KIRREL3: variants seen among roughly 807,000 people sequenced by gnomAD.
The protein encoded by KIRREL3 is kin of IRRE-like protein 3.
KIRREL3 carries 36 observed loss-of-function variants against 89.7 expected under a neutral mutation model. The observed-to-expected ratio is 0.40, with a 90% CI of 0.31 to 0.53. The LOEUF is 0.53. Ranked by LOEUF, KIRREL3 falls within the 20% of genes least tolerant of loss-of-function variation. The pLI is 0.49. For synonymous variants in KIRREL3, 445 were observed against 441.4 expected (o/e 1.01, Z -0.10); for missense variants, 864 against 1,056.6 (o/e 0.82, Z 2.53).
chr11:126,489,688 C>T lies in KIRREL3; in HGVS notation c.434-16222G>A, dbSNP rs950410379. Among the ~76,000 whole-genome samples, 1 of 152,170 alleles carries T rather than the reference C, an allele frequency of 6.6e-6. No individual in the cohort carries two copies. Among genetic ancestry groups the T allele is most frequent in the African/African-American group, 2.4e-5 (1 of 41,434 alleles). On this transcript the variant is annotated intron_variant, in intron 4 of 16. Coordinates refer to ENST00000525144, the MANE Select transcript of KIRREL3 (RefSeq NM_032531.4). The surrounding 1 kb of genome is among the most constrained non-coding windows in gnomAD (Gnocchi z 5.5). Reference sequence around the variant, plus strand: ...CCCCTCTGCATTCCCCACTCTCCACCTTCCACCACCCCTTTCTCAGGGGCC... The same window carrying T: ...CCCCTCTGCATTCCCCACTCTCCACTTTCCACCACCCCTTTCTCAGGGGCC...
chr11:126,543,051 C>T (rs1029804448), intron 2 of KIRREL3, among the ~76,000 whole-genome samples: 3 of 152,144 alleles, frequency 2.0e-5, no homozygotes, highest in African/African-American at 7.2e-5. Context: ...AATATCACAG[C>T]TCCAAGCCAG....
rs1944722920 is a variant in KIRREL3, at chr11:126,647,187, C to T, written c.56-84275G>A. On this transcript the variant is annotated intron_variant, in intron 1 of 16. Coordinates refer to ENST00000525144, the MANE Select transcript of KIRREL3 (RefSeq NM_032531.4). This position sits in a 1 kb window ranked among gnomAD's most constrained non-coding sequence, Gnocchi z 4.9. Reference sequence around the variant, plus strand: ...ACAGCATTTCACAATATTTAGGGAGCCCAGGCTCACCCCTGCTACTCTGCC... The same window carrying T: ...ACAGCATTTCACAATATTTAGGGAGTCCAGGCTCACCCCTGCTACTCTGCC... Among the ~76,000 whole-genome samples the T allele has an allele frequency of 6.6e-6, 1 of 152,154 alleles. No individual in the cohort carries two copies. Among genetic ancestry groups the T allele is most frequent in the Non-Finnish European group, 1.5e-5 (1 of 68,022 alleles).
At chr11:126,957,442 A>G (rs555685740) in intron 1 of KIRREL3, among the ~76,000 whole-genome samples, 1 of 152,210 alleles carries the variant, frequency 6.6e-6, no homozygotes, top group African/African-American at 2.4e-5. Flanking sequence ...TTGAGTATTA[A>G]TATTTAATTT....
intron 11 of KIRREL3, 113 bp from the exon 12 acceptor site, chr11:126,437,122 T>G (rs1398734165): frequency 1.0e-6 from 1 of 969,120 alleles, no homozygotes; most frequent in Non-Finnish European, 1.5e-6. Context: ...TGCCACACAC[T>G]AACACATGTG....
chr11:126,589,003 G>A (rs909126267), intron 1 of KIRREL3, among the ~76,000 whole-genome samples: 2 of 152,114 alleles, frequency 1.3e-5, no homozygotes, highest in African/African-American at 4.8e-5. Flanking sequence ...CATTCTTCAA[G>A]GGGGCTGCAA....
intron 1 of KIRREL3, among the ~76,000 whole-genome samples, chr11:126,785,396 G>T (rs1565729428): frequency 6.6e-6 from 1 of 152,120 alleles, no homozygotes; most frequent in East Asian, 1.9e-4. Flanking sequence ...CTCCTGCATG[G>T]TCAGAGCCTC....
chr11:126,440,415 C>T (rs1955515204), intron 11 of KIRREL3, 34 bp downstream of exon 11: 2 of 1,542,420 alleles, frequency 1.3e-6, no homozygotes, highest in East Asian at 4.9e-5. Flanking sequence ...GGGCTGCTGG[C>T]CCGGCCCCCG....
intron 1 of KIRREL3, among the ~76,000 whole-genome samples, chr11:126,584,769 T>G (rs1941736928): frequency 6.6e-6 from 1 of 152,134 alleles, no homozygotes; most frequent in South Asian, 2.1e-4. Context: ...CAGATGCCAC[T>G]ACCACACATG....
chr11:126,993,927 G>C lies in KIRREL3; in HGVS notation c.55+6528C>G, dbSNP rs1319638620. Reference sequence around the variant, plus strand: ...ATCTGCATAAGTTAAAAAGAAACTTGCAACAACAATCCACTGAATACAGGC... The same window carrying C: ...ATCTGCATAAGTTAAAAAGAAACTTCCAACAACAATCCACTGAATACAGGC... On this transcript the variant is annotated intron_variant, in intron 1 of 16. Coordinates refer to ENST00000525144, the MANE Select transcript of KIRREL3 (RefSeq NM_032531.4). This position sits in a 1 kb window ranked among gnomAD's most constrained non-coding sequence, Gnocchi z 6.1. 2.0e-5 allele frequency among the ~76,000 whole-genome samples: 3 copies of C among 152,126 alleles called. No homozygotes were observed. The highest frequency in any genetic ancestry group is 4.4e-5 in the Non-Finnish European group (3 of 68,022).
intron 1 of KIRREL3, among the ~76,000 whole-genome samples, chr11:126,966,050 A>G (rs1949261005): frequency 6.6e-6 from 1 of 152,198 alleles, no homozygotes. Flanking sequence ...AGAGATGTAA[A>G]TGGTTAGCTG....
rs948962958 is a variant in KIRREL3 at position 126,981,646 on chromosome 11, C to T, written c.55+18809G>A. Among the ~76,000 whole-genome samples, 13 of 152,204 alleles carry T rather than the reference C, an allele frequency of 8.5e-5. No homozygotes were observed. The highest frequency in any genetic ancestry group is 4.1e-4 in the South Asian group (2 of 4,834). The stretch of plus-strand genomic sequence containing the variant: ...CTGTTAAAACCACACATTTGGGTGT[C>T]GGAGGAGGTCTCAGCCACACATGCT... On this transcript the variant is annotated intron_variant, in intron 1 of 16. Coordinates refer to ENST00000525144, the MANE Select transcript of KIRREL3 (RefSeq NM_032531.4). The surrounding 1 kb of genome is among the most constrained non-coding windows in gnomAD (Gnocchi z 4.2).
intron 1 of KIRREL3, among the ~76,000 whole-genome samples, chr11:126,810,722 T>C (rs1951356208): frequency 1.3e-5 from 2 of 152,132 alleles, no homozygotes; most frequent in South Asian, 2.1e-4. Context: ...CAGAAATGGC[T>C]TATAAAATGG....
At chr11:126,781,671 G>C (rs1437602208) in intron 1 of KIRREL3, among the ~76,000 whole-genome samples, 1 of 152,098 alleles carries the variant, frequency 6.6e-6, no homozygotes, top group African/African-American at 2.4e-5. Context: ...CATTGTGGAA[G>C]GTGCCCTTGA....
chr11:126,615,544 GC>G lies in KIRREL3; in HGVS notation c.56-52633del, dbSNP rs1183795016. 6.6e-6 allele frequency among the ~76,000 whole-genome samples: 1 copy of G among 152,108 alleles called. No individual in the cohort carries two copies. Among genetic ancestry groups the G allele is most frequent in the Non-Finnish European group, 1.5e-5 (1 of 68,022 alleles). ...AAAAACCTGTGTTCCTAACCATCCT[GC>G]CCACCAGGATCCTGGAGGTATTCAA... On this transcript the variant is annotated intron_variant, in intron 1 of 16. Transcript: ENST00000525144. This position sits in a 1 kb window ranked among gnomAD's most constrained non-coding sequence, Gnocchi z 5.4.
intron 1 of KIRREL3, among the ~76,000 whole-genome samples, chr11:126,928,870 T>C (rs1051376914): frequency 1.3e-5 from 2 of 152,216 alleles, no homozygotes; most frequent in African/African-American, 4.8e-5. Flanking sequence ...TTTATTTCTC[T>C]GAGCTTAGGT....
rs901345998 is a variant in KIRREL3, at chr11:126,676,044, G to A, written c.56-113132C>T. ...CCAAGAATAAGAAATCCAGTAGGAG[G>A]GAGAAGTTTGAGAAAGGAAGAGGAT... On this transcript the variant is annotated intron_variant, in intron 1 of 16. Coordinates refer to ENST00000525144, the MANE Select transcript of KIRREL3 (RefSeq NM_032531.4). This position sits in a 1 kb window ranked among gnomAD's most constrained non-coding sequence, Gnocchi z 4.5. Among the ~76,000 whole-genome samples, 2 of 152,162 alleles carry A rather than the reference G, an allele frequency of 1.3e-5. No individual in the cohort carries two copies. The highest frequency in any genetic ancestry group is 1.5e-5 in the Non-Finnish European group (1 of 68,026).
chr11:126,884,833 G>A (rs1945639389), intron 1 of KIRREL3, among the ~76,000 whole-genome samples: 1 of 152,204 alleles, frequency 6.6e-6, no homozygotes, highest in Non-Finnish European at 1.5e-5. Flanking sequence ...TCAGTACAGA[G>A]CTGCAGTGGT....
At position 126,515,079 on chromosome 11, in the gene KIRREL3, G is replaced by C. The variant is rs2134409939; in HGVS notation, c.433+6236C>G. On this transcript the variant is annotated intron_variant, in intron 4 of 16. Coordinates refer to ENST00000525144, the MANE Select transcript of KIRREL3 (RefSeq NM_032531.4). The surrounding 1 kb of genome is among the most constrained non-coding windows in gnomAD (Gnocchi z 4.2). ...CCCAGGAGACCCGGTGGGGGAAACA[G>C]ACATGAAAACAGTTACTCTCAACAT... Among the ~76,000 whole-genome samples the C allele has an allele frequency of 6.6e-6, 1 of 152,294 alleles. No individual in the cohort carries two copies. The highest frequency in any genetic ancestry group is 1.9e-4 in the East Asian group (1 of 5,190).
In KIRREL3 at chr11:126,764,069, C is replaced by A. The variant is rs919968997; in HGVS notation, c.56-201157G>T. Among the ~76,000 whole-genome samples, 2 of 152,126 alleles carry A rather than the reference C, an allele frequency of 1.3e-5. No individual in the cohort carries two copies. The highest frequency in any genetic ancestry group is 4.8e-5 in the African/African-American group (2 of 41,412). On this transcript the variant is annotated intron_variant, in intron 1 of 16. Transcript: ENST00000525144. The surrounding 1 kb of genome is among the most constrained non-coding windows in gnomAD (Gnocchi z 4.2). ...CAGATGCCCAGTGATATTTCAGAAG[C>A]TCTAATTAAGTGGAAGATTATGCAT...
Sources: gnomAD v4.1 joint callset for allele counts (sites outside exome capture counted in the v4.1 genomes callset) on GRCh38, gnomAD v4.1.1 for gene constraint, Gnocchi (gnomAD v3.1) non-coding constraint, MANE v1.5 for transcripts, NCBI Gene and HGNC (gene_info 2026-07-23, HGNC 2026-07-21) for gene names.